Variants in ARHGEF3 observed in about 807,000 individuals in gnomAD.
ARHGEF3 encodes Rho guanine nucleotide exchange factor 3.
In ARHGEF3, 28 loss-of-function variants were observed where a neutral mutation model predicts 63.2. That is an observed-to-expected ratio of 0.44 (90% confidence interval 0.33 to 0.61). The LOEUF (loss-of-function observed/expected upper bound fraction) is 0.61, where lower values mean the gene tolerates loss of function less well. Ranked by LOEUF, ARHGEF3 falls within the 20% of genes least tolerant of loss-of-function variation. The pLI, the probability that ARHGEF3 is intolerant of heterozygous loss-of-function variation, is 0.03. For missense variants in ARHGEF3, 533 were observed against 659.3 expected (o/e 0.81, Z 2.10); for synonymous variants, 266 against 254.2 (o/e 1.05, Z -0.44).
At chr3:56,739,562 G>T (rs2033875701) in intron 7 of ARHGEF3, among the ~76,000 whole-genome samples, 1 of 151,802 alleles carries the variant, frequency 6.6e-6, no homozygotes, top group African/African-American at 2.4e-5. Flanking sequence ...ACCACACCTG[G>T]CTAATTTTTG....
intron 3 of ARHGEF3, among the ~76,000 whole-genome samples, chr3:56,890,582 A>G (rs901622617): frequency 6.6e-6 from 1 of 152,242 alleles, no homozygotes; most frequent in Non-Finnish European, 1.5e-5. Flanking sequence ...AATGATGGGC[A>G]GGAGACCTGG....
At chr3:56,893,811 C>CAAAAAAAAAAAA (rs537483698) in intron 3 of ARHGEF3, among the ~76,000 whole-genome samples, 2 of 79,560 alleles carry the variant, frequency 2.5e-5, no homozygotes, top group African/African-American at 7.6e-5. Flanking sequence ...GACTCTGTCT[C>CAAAAAAAAAAAA]AAAAAAAAAA....
Position 56,873,219 on chromosome 3 carries a change from G to GTT in ARHGEF3, c.192+9071_192+9072dup, listed in dbSNP as rs751050214. ...CAAACAAGTTTTACTTTTGTGCTATGTTTGTTTTTTTTTTTTTAACTTTTA... is the reference window on the plus strand; with the variant it reads ...CAAACAAGTTTTACTTTTGTGCTATGTTTTTGTTTTTTTTTTTTTAACTTTTA... On this transcript the variant is annotated intron_variant, in intron 4 of 12. Transcript: ENST00000338458. Among the ~76,000 whole-genome samples the GTT allele has an allele frequency of 1.5e-3, 75 of 49,712 alleles. 1 individual carries two copies. The South Asian group carries it at 0.034, about 22-fold the overall frequency. The allele number at this position is 49,712 out of a possible 152,430, so 32.6% of individuals were successfully genotyped here.
At chr3:56,967,613 CATAATATATATTAT>C (rs1192676785) in intron 2 of ARHGEF3, among the ~76,000 whole-genome samples, 13 of 84,570 alleles carry the variant, frequency 1.5e-4, no homozygotes, top group Middle Eastern at 0.016. Flanking sequence ...ATATATGTTA[CATAATATATATTAT>C]ATAATATATA....
At position 56,937,614 on chromosome 3, in the gene ARHGEF3, C is replaced by T. The variant is rs1261243115; in HGVS notation, c.129+21209G>A. Among the ~76,000 whole-genome samples the T allele has an allele frequency of 3.9e-5, 6 of 152,186 alleles. No homozygotes were observed. In the East Asian group the frequency reaches 1.2e-3, roughly 29 times the overall value. On this transcript the variant is annotated intron_variant, in intron 3 of 12. Transcript: ENST00000338458. Reference sequence around the variant, plus strand: ...ACATGAAGGCAGACATCCCTTCTCCCAATAGACCACACTCAATAATGCCTC... The same window carrying T: ...ACATGAAGGCAGACATCCCTTCTCCTAATAGACCACACTCAATAATGCCTC...
At chr3:56,839,313 GT>G (rs1308616996) in intron 4 of ARHGEF3, among the ~76,000 whole-genome samples, 1 of 151,844 alleles carries the variant, frequency 6.6e-6, no homozygotes, top group Non-Finnish European at 1.5e-5. Flanking sequence ...TGTGACATTA[GT>G]TTTTTTAACG....
chr3:56,798,878 C>T (rs911670496), intron 1 of ARHGEF3, among the ~76,000 whole-genome samples: 7 of 152,166 alleles, frequency 4.6e-5, no homozygotes, highest in African/African-American at 1.4e-4. Flanking sequence ...AGCAGGACCT[C>T]ACTGATTATG....
intron 4 of ARHGEF3, among the ~76,000 whole-genome samples, chr3:56,841,571 A>C (rs1490987285): frequency 6.6e-6 from 1 of 152,140 alleles, no homozygotes; most frequent in Admixed American, 6.5e-5. Context: ...GTTTAAACAT[A>C]AGCACCCACA....
intron 3 of ARHGEF3, among the ~76,000 whole-genome samples, chr3:56,909,031 C>T (rs939094283): frequency 1.3e-5 from 2 of 152,140 alleles, no homozygotes; most frequent in African/African-American, 4.8e-5. Flanking sequence ...GCAGCTAATA[C>T]GAGTCAGACC....
chr3:56,777,422 G>A (rs1304665265), intron 1 of ARHGEF3, among the ~76,000 whole-genome samples: 1 of 152,300 alleles, frequency 6.6e-6, no homozygotes, highest in East Asian at 1.9e-4. Context: ...ATGAACAAAG[G>A]AGAATAAAAC....
chr3:56,755,058 C>G lies in ARHGEF3; in HGVS notation c.298G>C (p.Asp100His), dbSNP rs758740358. 1.9e-6 allele frequency: 3 copies of G among 1,614,156 alleles called. No homozygotes were observed. Among genetic ancestry groups the G allele is most frequent in the Non-Finnish European group, 2.5e-6 (3 of 1,180,038 alleles). The change falls in exon 3 of 10, where the codon GAT becomes CAT. Residue 100 changes from aspartate (D) to histidine (H), a missense_variant. Asp to His is a moderately conservative substitution (Grantham distance 81). This residue lies in a region of ARHGEF3 where 160 missense variants were observed against 157.3 expected (regional missense o/e 1.02). Coordinates refer to ENST00000296315, the MANE Select transcript of ARHGEF3 (RefSeq NM_019555.3). ...NAAPSSTKRR[D>H]SKLWSETFDV... ...AAGGTCTCACTCCACAGCTTGCTAT[C>G]TCTCCGTTTCGTGCTCGAGGGGGCG...
At chr3:56,869,193 A>C (rs568894374) in intron 4 of ARHGEF3, among the ~76,000 whole-genome samples, 2 of 152,290 alleles carry the variant, frequency 1.3e-5, no homozygotes, top group East Asian at 3.9e-4. Flanking sequence ...CAGTATTATA[A>C]GGGGAAAAGG....
At chr3:56,882,745 C>A (rs1476390091) in intron 3 of ARHGEF3, among the ~76,000 whole-genome samples, 1 of 152,140 alleles carries the variant, frequency 6.6e-6, no homozygotes, top group East Asian at 1.9e-4. Flanking sequence ...TCTCGAACTC[C>A]TGACCTCGTG....
chr3:57,040,897 C>T (rs1199808082), intron 1 of ARHGEF3, among the ~76,000 whole-genome samples: 5 of 508 alleles, frequency 9.8e-3, no homozygotes, highest in Non-Finnish European at 0.04. Context: ...TGCACAGTGC[C>T]CTCCTCTGTG....
chr3:56,904,814 C>T (rs1051342684), intron 3 of ARHGEF3, among the ~76,000 whole-genome samples: 2 of 152,346 alleles, frequency 1.3e-5, no homozygotes, highest in African/African-American at 4.8e-5. Context: ...CCACTCACCA[C>T]TCCACCAAAG....
Position 56,883,730 on chromosome 3 carries a change from C to T in ARHGEF3, c.130-1376G>A, listed in dbSNP as rs1244928556. On this transcript the variant is annotated intron_variant, in intron 3 of 12. Transcript: ENST00000338458. ...TGTTTCTTCAGTCCCTAACCTGTGA[C>T]TTGCTAGGTCTTCTGATGTTACTTA... Among the ~76,000 whole-genome samples, 3 of 152,294 alleles carry T rather than the reference C, an allele frequency of 2.0e-5. No homozygotes were observed. In the East Asian group the frequency reaches 5.8e-4, roughly 29 times the overall value.
rs1578771215 is a variant in ARHGEF3 at position 56,890,309 on chromosome 3, T to C, written c.130-7955A>G. On this transcript the variant is annotated intron_variant, in intron 3 of 12. Transcript: ENST00000338458. ...ATGTGCCAGGCAGGTTCTAAGTGTA[T>C]GGGATACGTCAGTGTCTATAAAGCA... 3.3e-5 allele frequency among the ~76,000 whole-genome samples: 5 copies of C among 152,348 alleles called. No homozygotes were observed. In the Middle Eastern group the frequency reaches 0.01, roughly 311 times the overall value.
intron 3 of ARHGEF3, among the ~76,000 whole-genome samples, chr3:56,917,374 T>G (rs563711956): frequency 2.0e-5 from 3 of 152,340 alleles, no homozygotes; most frequent in African/African-American, 7.2e-5. Flanking sequence ...AAATTTTAGC[T>G]GTTAAGATTT....
chr3:56,796,907 C>G (rs979252593), intron 1 of ARHGEF3, among the ~76,000 whole-genome samples: 1 of 152,072 alleles, frequency 6.6e-6, no homozygotes, highest in Non-Finnish European at 1.5e-5. Flanking sequence ...ACGGTAAAGC[C>G]CCTAATGCAC....
Sources: gnomAD v4.1 joint callset for allele counts (sites outside exome capture counted in the v4.1 genomes callset) on GRCh38, gnomAD v4.1.1 for gene constraint, gnomAD v4.1.1 regional missense constraint, MANE v1.5 for transcripts, NCBI Gene and HGNC (gene_info 2026-07-23, HGNC 2026-07-21) for gene names.